PIK3AP1: variants seen among roughly 807,000 people sequenced by gnomAD.
PIK3AP1 encodes phosphoinositide 3-kinase adapter protein 1.
In PIK3AP1, 21 loss-of-function variants were observed where a neutral mutation model predicts 88.1. The observed-to-expected ratio is 0.24, with a 90% confidence interval of 0.17 to 0.34. The LOEUF (loss-of-function observed/expected upper bound fraction) is 0.34. Ranked by LOEUF, PIK3AP1 falls within the 10% of genes least tolerant of loss-of-function variation. The probability of loss-of-function intolerance (pLI) is 1.00; values close to 1 mark genes in which losing one functional copy is unlikely to be tolerated. For missense variants in PIK3AP1, 828 were observed against 1,035.7 expected, an observed-to-expected ratio of 0.80 and a Z score of 2.75; for synonymous variants, 398 against 400.0, an observed-to-expected ratio of 1.00 and a Z score of 0.06.
chr10:96,599,237 G>A (rs1371811211), intron 16 of PIK3AP1, among the ~76,000 whole-genome samples: 1 of 152,190 alleles, frequency 6.6e-6, no homozygotes, highest in Non-Finnish European at 1.5e-5. Flanking sequence ...GGGGAAGGGA[G>A]AGAATGGTCC....
At chr10:96,670,961 A>G (rs535144538) in intron 2 of PIK3AP1, among the ~76,000 whole-genome samples, 1 of 152,352 alleles carries the variant, frequency 6.6e-6, no homozygotes, top group East Asian at 1.9e-4. Flanking sequence ...TCTGCTTTCA[A>G]GAACAAATAA....
intron 2 of PIK3AP1, among the ~76,000 whole-genome samples, chr10:96,677,621 AC>A (rs1564980845): frequency 2.3e-4 from 35 of 151,434 alleles, no homozygotes; most frequent in African/African-American, 8.3e-4. Context: ...ACACACACAC[AC>A]ACACAAAAGG....
intron 2 of PIK3AP1, among the ~76,000 whole-genome samples, chr10:96,683,959 T>G (rs189860388): frequency 1.2e-4 from 19 of 152,344 alleles, no homozygotes; most frequent in Non-Finnish European, 1.8e-4. Context: ...ACACTTGAAT[T>G]AGACTGATGG....
chr10:96,710,041 C>A, intron 1 of PIK3AP1, 58 bp from the exon 2 acceptor site: 2 of 1,498,472 alleles, frequency 1.3e-6, no homozygotes, highest in Admixed American at 2.1e-5. Context: ...AGGTGGCTCC[C>A]CACAGCCTGC....
Position 96,709,795 on chromosome 10 carries a change from C to T in PIK3AP1, c.202G>A (p.Val68Met), listed in dbSNP as rs952542746. 6.8e-6 allele frequency: 11 copies of T among 1,613,384 alleles called. No individual in the cohort carries two copies. The highest frequency in any genetic ancestry group is 8.5e-6 in the Non-Finnish European group (10 of 1,179,566). The change falls in exon 2 of 17, where the codon GTG (valine) becomes ATG (methionine). Residue 68 changes from valine (V) to methionine (M), a missense_variant. Physicochemically the swap from Val to Met is conservative, Grantham distance 21 (BLOSUM62 1). Around this residue, in one of 3 missense-constraint regions of PIK3AP1, gnomAD observed 610 missense variants for 760.1 expected, o/e 0.80. Transcript: ENST00000339364. ...ACCAGCTCCGCGGACAGCAGCACCA[C>T]GACACAGCGGGTGCTGAGGAAAAGG... ...LSLFLSTRCV[V>M]VLLSAELVQH...
intron 12 of PIK3AP1, among the ~76,000 whole-genome samples, chr10:96,618,267 G>A (rs1234275454): frequency 2.6e-5 from 4 of 152,184 alleles, no homozygotes; most frequent in Non-Finnish European, 4.4e-5. Context: ...AAACCTGCAC[G>A]TTGTGCACAT....
intron 8 of PIK3AP1, chr10:96,632,947 A>G: frequency 1.2e-6 from 2 of 1,612,888 alleles, no homozygotes; most frequent in Non-Finnish European, 8.5e-7. Flanking sequence ...GACACAAGCT[A>G]GCAGGGCAGT....
Position 96,604,064 on chromosome 10 carries a change from G to A in PIK3AP1, c.2171-15C>T, listed in dbSNP as rs778510120. ...ACTTGTGCTACCTAAAGGGTAGAAA[G>A]AAAATCAGCCGGATTGAGGATTCTT... On this transcript the variant is annotated splice_polypyrimidine_tract_variant and intron_variant, in intron 14 of 16. Coordinates refer to ENST00000339364, the MANE Select transcript of PIK3AP1 (RefSeq NM_152309.3). 6.4e-7 allele frequency: 1 copy of A among 1,559,748 alleles called. No homozygotes were observed. The highest frequency in any genetic ancestry group is 1.8e-5 in the Admixed American group (1 of 56,610).
intron 2 of PIK3AP1, among the ~76,000 whole-genome samples, chr10:96,666,369 A>G (rs1843761882): frequency 6.6e-6 from 1 of 152,172 alleles, no homozygotes; most frequent in African/African-American, 2.4e-5. Context: ...CAGTGAGCCG[A>G]GATCGCACCA....
At chr10:96,714,048 T>A (rs978768792) in intron 1 of PIK3AP1, among the ~76,000 whole-genome samples, 1 of 152,098 alleles carries the variant, frequency 6.6e-6, no homozygotes, top group Admixed American at 6.5e-5. Flanking sequence ...GTGGCATGCG[T>A]CTGTAATTCC....
intron 14 of PIK3AP1, among the ~76,000 whole-genome samples, chr10:96,607,064 A>T (rs1849015155): frequency 6.6e-6 from 1 of 152,220 alleles, no homozygotes; most frequent in Admixed American, 6.5e-5. Context: ...TTATAACCAG[A>T]TTTAACCTGC....
intron 7 of PIK3AP1, among the ~76,000 whole-genome samples, chr10:96,647,645 C>T (rs1396123839): frequency 6.6e-6 from 1 of 152,216 alleles, no homozygotes; most frequent in Admixed American, 6.5e-5. Flanking sequence ...ACTGGGAAGT[C>T]CCCTCTGTGC....
chr10:96,673,497 GC>G (rs202068128), intron 2 of PIK3AP1, among the ~76,000 whole-genome samples: 15 of 151,698 alleles, frequency 9.9e-5, no homozygotes, highest in South Asian at 6.3e-4. Flanking sequence ...AGCTACCACA[GC>G]CCCCCCCGAA....
rs1040129924 is a variant in PIK3AP1 at position 96,628,250 on chromosome 10, G to C, written c.1471+148C>G. On this transcript the variant is annotated intron_variant, in intron 9 of 16. Coordinates refer to ENST00000339364, the MANE Select transcript of PIK3AP1 (RefSeq NM_152309.3). ...GGGGAGCTCAGGGTAGAGGGGTCGG[G>C]GGAGGCAGAGTGCCTTTATTCACAT... is the stretch of plus-strand genomic sequence containing the variant. The C allele has an allele frequency of 1.2e-5, 9 of 736,480 alleles. No homozygotes were observed. In the East Asian group the frequency reaches 2.0e-4, roughly 16 times the overall value. The allele number at this position is 736,480 out of a possible 1,614,324, so 45.6% of individuals were successfully genotyped here.
chr10:96,628,889 C>CATATAGATAT lies in PIK3AP1; in HGVS notation c.1376-397_1376-396insATATCTATAT, dbSNP rs1554955371. 5.1e-4 allele frequency among the ~76,000 whole-genome samples: 31 copies of CATATAGATAT among 60,850 alleles called. 3 individuals are homozygous for CATATAGATAT. Among genetic ancestry groups the CATATAGATAT allele is most frequent in the Non-Finnish European group, 9.3e-4 (30 of 32,086 alleles). 39.9% of individuals were successfully genotyped at this position (60,850 alleles called of 152,430 possible). A position where few individuals can be genotyped will look rare whatever the true frequency, so the allele number is the denominator to read the frequency against. On this transcript the variant is annotated intron_variant, in intron 8 of 16. Transcript: ENST00000339364. Reference sequence around the variant, plus strand: ...ACATATATACACATATATATATATACATATATATATATATATATGTGTATA... The same window carrying CATATAGATAT: ...ACATATATACACATATATATATATACATATAGATATATATATATATATATATATGTGTATA...
intron 9 of PIK3AP1, among the ~76,000 whole-genome samples, chr10:96,627,469 CTAAA>C (rs1186445323): frequency 2.0e-5 from 3 of 152,190 alleles, no homozygotes; most frequent in Non-Finnish European, 4.4e-5. Context: ...ATATATAATA[CTAAA>C]TAAACGGTCC....
chr10:96,688,699 G>A (rs1330200995), intron 2 of PIK3AP1, among the ~76,000 whole-genome samples: 1 of 152,046 alleles, frequency 6.6e-6, no homozygotes, highest in Non-Finnish European at 1.5e-5. Context: ...TCAGGATGCT[G>A]AGGCAGGAGA....
chr10:96,661,171 G>A (rs1157701239), intron 2 of PIK3AP1, among the ~76,000 whole-genome samples: 2 of 151,064 alleles, frequency 1.3e-5, no homozygotes, highest in African/African-American at 2.4e-5. Flanking sequence ...CCTGGGAAAC[G>A]AGCAAAACTC....
chr10:96,672,469 C>T (rs559708530), intron 2 of PIK3AP1, among the ~76,000 whole-genome samples: 114 of 152,158 alleles, frequency 7.5e-4, no homozygotes, highest in Non-Finnish European at 1.3e-3. Flanking sequence ...GAAAGATGAC[C>T]TTAGGCCTCT....
Sources: gnomAD v4.1 joint callset for allele counts (sites outside exome capture counted in the v4.1 genomes callset) on GRCh38, gnomAD v4.1.1 for gene constraint, gnomAD v4.1.1 regional missense constraint, MANE v1.5 for transcripts, NCBI Gene and HGNC (gene_info 2026-07-23, HGNC 2026-07-21) for gene names.